The following C18orf63 variants were observed in gnomAD, a reference collection of about 807,000 sequenced individuals.
The protein encoded by C18orf63 is chromosome 18 open reading frame 63.
In C18orf63, 50 loss-of-function variants were observed where a neutral mutation model predicts 75.3. The ratio of observed to expected loss-of-function variants is 0.66; its 90% CI spans 0.53 to 0.84. The LOEUF (loss-of-function observed/expected upper bound fraction) is 0.84, where lower values mean the gene tolerates loss of function less well. Among genes scored for constraint, C18orf63 ranks in the 40% least tolerant of loss-of-function variants. The pLI is 0.00. For missense variants in C18orf63, 732 were observed against 800.2 expected, an observed-to-expected ratio of 0.91 and a Z score of 1.03; for synonymous variants, 232 against 267.6, an observed-to-expected ratio of 0.87 and a Z score of 1.30.
At chr18:74,344,345 A>G (rs1254775022) in intron 11 of C18orf63, among the ~76,000 whole-genome samples, 3 of 151,804 alleles carry the variant, frequency 2.0e-5, no homozygotes, top group African/African-American at 7.3e-5. Context: ...TTGGGGAGGG[A>G]GGGTGTTTTC....
chr18:74,343,121 A>C (rs924395020), intron 10 of C18orf63, among the ~76,000 whole-genome samples: 6 of 152,206 alleles, frequency 3.9e-5, no homozygotes, highest in African/African-American at 1.4e-4. Flanking sequence ...GCTTGAATAC[A>C]ATCTATATGT....
At chr18:74,322,647 TTATA>T in intron 3 of C18orf63, 47 bp from the exon 4 acceptor site, 1 of 578,798 alleles carries the variant, frequency 1.7e-6, no homozygotes, top group Non-Finnish European at 2.8e-6. Context: ...CATTATTTAA[TTATA>T]TATATATATG....
intron 7 of C18orf63, among the ~76,000 whole-genome samples, chr18:74,336,690 A>G (rs112905228): frequency 2.1e-3 from 315 of 152,168 alleles, no homozygotes; most frequent in African/African-American, 6.9e-3. Context: ...GATACTTTCA[A>G]ATGAATGTAC....
At chr18:74,335,145 T>C (rs923528252) in intron 7 of C18orf63, among the ~76,000 whole-genome samples, 2 of 152,186 alleles carry the variant, frequency 1.3e-5, no homozygotes, top group African/African-American at 4.8e-5. Context: ...CTTTCTATCA[T>C]AGGAGCCTAC....
rs932742869 is a variant in C18orf63, at chr18:74,357,024, G to A, written c.*577G>A. 6 of 152,280 alleles carry A rather than the reference G, an allele frequency of 3.9e-5. No individual in the cohort carries two copies. The East Asian group carries it at 1.2e-3, about 29-fold the overall frequency. The allele number at this position is 152,280 out of a possible 1,614,324, so 9.4% of individuals were successfully genotyped here. A position where few individuals can be genotyped will look rare whatever the true frequency, so the allele number is the denominator to read the frequency against. On this transcript the variant is annotated 3_prime_UTR_variant, in exon 14 of 14. Transcript: ENST00000579455. ...GTATATTTTTTAAGAAAAAAAGAAT[G>A]TGTATATATATATTACATTTTGGGG...
Position 74,343,689 on chromosome 18 carries a change from A to G in C18orf63, c.965A>G (p.Lys322Arg). The G allele has an allele frequency of 6.6e-7, 1 of 1,521,018 alleles. No homozygotes were observed. The highest frequency in any genetic ancestry group is 2.5e-5 in the East Asian group (1 of 40,620). 94.2% of individuals were successfully genotyped at this position (1,521,018 alleles called of 1,614,324 possible). The change falls in exon 11 of 14, where the codon AAA becomes AGA. Residue 322 changes from lysine to arginine, a missense_variant. Lys to Arg is a conservative substitution (Grantham distance 26). Around this residue, in one of 3 missense-constraint regions of C18orf63, gnomAD observed 495 missense variants for 508.7 expected, o/e 0.97. Coordinates refer to ENST00000579455, the MANE Select transcript of C18orf63 (RefSeq NM_001174123.2). ...TGCTACTACACACAAGAACTAACTA[A>G]ACCTAATATACAGGTAAGAGATCTC... ...KPCYYTQELT[K>R]PNIQEHKVKP...
chr18:74,326,003 G>A (rs1360534664), intron 4 of C18orf63, among the ~76,000 whole-genome samples: 1 of 152,128 alleles, frequency 6.6e-6, no homozygotes. Context: ...TAATTCCTTG[G>A]GCCATAGAGA....
intron 4 of C18orf63, among the ~76,000 whole-genome samples, chr18:74,323,678 G>A (rs1276637586): frequency 9.2e-5 from 14 of 152,156 alleles, no homozygotes; most frequent in Admixed American, 9.2e-4. Context: ...ATTTATTAAG[G>A]CCTAAGAATA....
chr18:74,351,060 G>A (rs1599009888), intron 11 of C18orf63, among the ~76,000 whole-genome samples: 2 of 152,102 alleles, frequency 1.3e-5, no homozygotes, highest in South Asian at 2.1e-4. Context: ...AAACTAAGAC[G>A]GTGTGTCTTC....
chr18:74,327,986 A>C lies in C18orf63; in HGVS notation c.310A>C (p.Asn104His). The C allele has an allele frequency of 1.3e-6, 2 of 1,535,790 alleles. No homozygotes were observed. Among genetic ancestry groups the C allele is most frequent in the Non-Finnish European group, 1.7e-6 (2 of 1,146,570 alleles). ...AAGAGTAATTCCTGTAATTCTTCAG[A>C]ACTGCCTGTCATATTCATTCATGGC... ...PQRVIPVILQ[N>H]CLSYSFMARL... is the part of the protein sequence containing the mutation. Residue 104 changes from asparagine (N) to histidine (H), a missense_variant, in exon 5 of 14, where the codon AAC (asparagine) becomes CAC (histidine). Asn to His is a moderately conservative substitution (Grantham distance 68, BLOSUM62 1). Coordinates refer to ENST00000579455, the MANE Select transcript of C18orf63 (RefSeq NM_001174123.2).
At chr18:74,345,106 G>T (rs1984551156) in intron 11 of C18orf63, among the ~76,000 whole-genome samples, 2 of 152,008 alleles carry the variant, frequency 1.3e-5, no homozygotes, top group Admixed American at 1.3e-4. Context: ...ATTTATTACT[G>T]TGTGTTTTTA....
At chr18:74,328,724 A>AT (rs1463919878) in intron 5 of C18orf63, among the ~76,000 whole-genome samples, 1 of 152,192 alleles carries the variant, frequency 6.6e-6, no homozygotes, top group Non-Finnish European at 1.5e-5. Context: ...GCTATCCTGA[A>AT]TTTTTCTTGA....
intron 8 of C18orf63, among the ~76,000 whole-genome samples, chr18:74,339,536 T>C (rs1222352406): frequency 6.6e-6 from 1 of 152,140 alleles, no homozygotes; most frequent in African/African-American, 2.4e-5. Flanking sequence ...GCTAACATCA[T>C]ACTCAACAGT....
At chr18:74,336,715 C>T (rs760246501) in intron 7 of C18orf63, among the ~76,000 whole-genome samples, 1 of 152,038 alleles carries the variant, frequency 6.6e-6, no homozygotes, top group Non-Finnish European at 1.5e-5. Context: ...GGCAGTCAGA[C>T]CCAATTATGT....
chr18:74,349,294 T>G (rs1174228525), intron 11 of C18orf63, among the ~76,000 whole-genome samples: 2 of 152,170 alleles, frequency 1.3e-5, no homozygotes, highest in African/African-American at 4.8e-5. Context: ...TCAATCCAAT[T>G]TAGGAACCCT....
At position 74,330,878 on chromosome 18, in the gene C18orf63, A is replaced by C; in HGVS notation, c.437A>C (p.Asn146Thr). The C allele has an allele frequency of 7.1e-7, 1 of 1,402,574 alleles. No homozygotes were observed. The highest frequency in any genetic ancestry group is 9.6e-7 in the Non-Finnish European group (1 of 1,041,648). 86.9% of individuals were successfully genotyped at this position (1,402,574 alleles called of 1,614,324 possible). A position where few individuals can be genotyped will look rare whatever the true frequency, so the allele number is the denominator to read the frequency against. The change falls in exon 7 of 14, where the codon AAT becomes ACT. Residue 146 changes from asparagine to threonine, a missense_variant. Asn to Thr is a moderately conservative substitution (Grantham distance 65). Coordinates refer to ENST00000579455, the MANE Select transcript of C18orf63 (RefSeq NM_001174123.2). Reference protein sequence around the residue: ...GKQSAVVLNINVTETQVCLSI... With the variant: ...GKQSAVVLNITVTETQVCLSI... ...ATTTTATTTTCAGTATTAAACATCAATGTAACAGAAACTCAAGTTTGTCTA... is the reference window on the plus strand; with the variant it reads ...ATTTTATTTTCAGTATTAAACATCACTGTAACAGAAACTCAAGTTTGTCTA...
chr18:74,317,754 C>A, intron 1 of C18orf63, 80 bp from the exon 2 acceptor site: 2 of 784,306 alleles, frequency 2.6e-6, no homozygotes, highest in Non-Finnish European at 3.6e-6. Flanking sequence ...AAAACAATAT[C>A]AAATATTGTG....
At chr18:74,349,055 A>T (rs1473015016) in intron 11 of C18orf63, among the ~76,000 whole-genome samples, 1 of 152,250 alleles carries the variant, frequency 6.6e-6, no homozygotes, top group African/African-American at 2.4e-5. Flanking sequence ...CAAATAACTT[A>T]TATGAATCTG....
chr18:74,356,693 TACA>T lies in C18orf63; in HGVS notation c.*250_*252del, dbSNP rs1424569313. On this transcript the variant is annotated 3_prime_UTR_variant, in exon 14 of 14. Transcript: ENST00000579455. ...TCAGTTCTTCCCAACTTTTCACTATTACAACATCATGTAGTCTGCAGATCTTTG... is the reference window on the plus strand; with the variant it reads ...TCAGTTCTTCCCAACTTTTCACTATTACATCATGTAGTCTGCAGATCTTTG... 5 of 114,554 alleles carry T rather than the reference TACA, an allele frequency of 4.4e-5. No homozygotes were observed. The highest frequency in any genetic ancestry group is 1.0e-4 in the Non-Finnish European group (5 of 48,226). 7.1% of individuals were successfully genotyped at this position (114,554 alleles called of 1,614,324 possible). A position where few individuals can be genotyped will look rare whatever the true frequency, so the allele number is the denominator to read the frequency against.
Sources: allele counts gnomAD v4.1 joint callset (sites outside exome capture counted in the v4.1 genomes callset), GRCh38; gene constraint gnomAD v4.1.1; regional missense constraint gnomAD v4.1.1; transcripts MANE v1.5; gene names NCBI Gene and HGNC (gene_info 2026-07-23, HGNC 2026-07-21).